The following CERT1 variants were observed in gnomAD, a reference collection of about 807,000 sequenced individuals.
The protein encoded by CERT1 is ceramide transporter 1.
In CERT1, 31 loss-of-function variants were observed where a neutral mutation model predicts 87.9. The observed-to-expected ratio is 0.35, with a 90% CI of 0.27 to 0.48. The LOEUF (loss-of-function observed/expected upper bound fraction) is 0.48, where lower values mean the gene tolerates loss of function less well. Ranked by LOEUF, CERT1 falls within the 20% of genes least tolerant of loss-of-function variation. CERT1 has a pLI of 0.99. For missense variants in CERT1, 487 were observed against 758.0 expected, an observed-to-expected ratio of 0.64 and a Z score of 4.20; for synonymous variants, 289 against 250.9, an observed-to-expected ratio of 1.15 and a Z score of -1.44.
At chr5:75,385,227 C>T (rs2112010796) in intron 13 of CERT1, among the ~76,000 whole-genome samples, 1 of 152,244 alleles carries the variant, frequency 6.6e-6, no homozygotes, top group South Asian at 2.1e-4. Flanking sequence ...AATCCCAGCA[C>T]TTTGGGAGGC....
At chr5:75,420,180 T>A (rs925935408) in intron 5 of CERT1, among the ~76,000 whole-genome samples, 3 of 151,838 alleles carry the variant, frequency 2.0e-5, no homozygotes, top group Non-Finnish European at 4.4e-5. Flanking sequence ...GGTTTCACTA[T>A]GTTGGCCAGG....
At position 75,386,186 on chromosome 5, in the gene CERT1, T is replaced by G. The variant is rs539027686; in HGVS notation, c.1285-152A>C. On this transcript the variant is annotated intron_variant, in intron 12 of 16. Coordinates refer to ENST00000643780, the MANE Select transcript of CERT1 (RefSeq NM_001379029.1). ...CTAAAAGAAAATTAAAAATTTCAAA[T>G]TAACAGACAAAAAAGTACTTAAAAT... 1.1e-5 allele frequency: 6 copies of G among 540,294 alleles called. No individual in the cohort carries two copies. In the African/African-American group the frequency reaches 1.2e-4, roughly 11 times the overall value. The allele number at this position is 540,294 out of a possible 1,614,324, so 33.5% of individuals were successfully genotyped here. A position where few individuals can be genotyped will look rare whatever the true frequency, so the allele number is the denominator to read the frequency against.
intron 8 of CERT1, among the ~76,000 whole-genome samples, chr5:75,407,775 C>T (rs1227907520): frequency 1.3e-5 from 2 of 151,068 alleles, no homozygotes. Context: ...TATACAAAGG[C>T]TGGGATGTAA....
At chr5:75,441,742 C>G (rs1764333420) in intron 3 of CERT1, among the ~76,000 whole-genome samples, 1 of 152,126 alleles carries the variant, frequency 6.6e-6, no homozygotes, top group Non-Finnish European at 1.5e-5. Context: ...GGCAGAATTT[C>G]CTTCTTTTTA....
At position 75,511,469 on chromosome 5, in the gene CERT1, T is replaced by A. The variant is rs1163622538; in HGVS notation, c.-262A>T. The A allele has an allele frequency of 2.0e-6, 3 of 1,514,010 alleles. No homozygotes were observed. Among genetic ancestry groups the A allele is most frequent in the Non-Finnish European group, 2.7e-6 (3 of 1,131,256 alleles). 93.8% of individuals were successfully genotyped at this position (1,514,010 alleles called of 1,614,324 possible). ...CCGCCGCCGCCGTCGCCGTGACCCC[T>A]GCGTTGCGCCCGGCGCTGCCACCCG... On this transcript the variant is annotated 5_prime_UTR_variant, in exon 1 of 17. Transcript: ENST00000643780.
intron 3 of CERT1, among the ~76,000 whole-genome samples, chr5:75,447,636 A>G (rs2112268531): frequency 6.6e-6 from 1 of 151,570 alleles, no homozygotes. Context: ...ACGCCCAGCT[A>G]ATCTTTTTTT....
chr5:75,378,356 G>C lies in CERT1; in HGVS notation c.*990C>G, dbSNP rs1761410203. ...AATCGCTTGAACCTGGGAGGCAGAG[G>C]TTGCAGTGAGCCAAGATTGCACCAC... On this transcript the variant is annotated 3_prime_UTR_variant, in exon 17 of 17. Transcript: ENST00000643780. 1 of 152,164 alleles carries C rather than the reference G, an allele frequency of 6.6e-6. No individual in the cohort carries two copies. The highest frequency in any genetic ancestry group is 1.5e-5 in the Non-Finnish European group (1 of 68,072). The allele number at this position is 152,164 out of a possible 1,614,324, so 9.4% of individuals were successfully genotyped here.
chr5:75,490,895 C>A (rs1161076448), intron 2 of CERT1, among the ~76,000 whole-genome samples: 1 of 151,974 alleles, frequency 6.6e-6, no homozygotes, highest in Admixed American at 6.6e-5. Context: ...GAGTACAATT[C>A]TTTTTGCATT....
chr5:75,489,769 G>A (rs1766689681), intron 2 of CERT1, among the ~76,000 whole-genome samples: 1 of 152,172 alleles, frequency 6.6e-6, no homozygotes, highest in Non-Finnish European at 1.5e-5. Context: ...AAATAGGAAC[G>A]CTTTTACTCT....
At chr5:75,436,800 T>A (rs1409370969) in intron 3 of CERT1, among the ~76,000 whole-genome samples, 1 of 152,154 alleles carries the variant, frequency 6.6e-6, no homozygotes, top group Non-Finnish European at 1.5e-5. Context: ...AGACAGGGTA[T>A]CGCTCTGTTA....
At chr5:75,384,574 TA>T (rs1561222884) in intron 14 of CERT1, 67 bp downstream of exon 14, 1 of 1,102,384 alleles carries the variant, frequency 9.1e-7, no homozygotes, top group Non-Finnish European at 1.3e-6. Context: ...AATTTTACTT[TA>T]GAGAATCTAT....
chr5:75,502,831 CAACT>C (rs1177453109), intron 2 of CERT1, among the ~76,000 whole-genome samples: 12 of 152,012 alleles, frequency 7.9e-5, no homozygotes, highest in Admixed American at 7.9e-4. Context: ...GAAACAATTA[CAACT>C]AACATATTCA....
chr5:75,497,778 C>A (rs146029095), intron 2 of CERT1, among the ~76,000 whole-genome samples: 1 of 152,146 alleles, frequency 6.6e-6, no homozygotes, highest in East Asian at 1.9e-4. Context: ...TTCATAGGAG[C>A]ATGAGAACAG....
At chr5:75,396,729 C>CAAAAAAA (rs375730002) in intron 11 of CERT1, among the ~76,000 whole-genome samples, 2 of 92,598 alleles carry the variant, frequency 2.2e-5, no homozygotes, top group Non-Finnish European at 5.0e-5. Context: ...AACTCCGTCT[C>CAAAAAAA]AAAAAAAAAA....
At chr5:75,375,732 T>C (rs1180274234), downstream of CERT1, 1 of 149,676 alleles carries the variant, frequency 6.7e-6, no homozygotes, top group Non-Finnish European at 1.5e-5. Context: ...TCTCTAAAGA[T>C]GATACACACA....
chr5:75,434,634 T>A (rs2112221469), intron 3 of CERT1, among the ~76,000 whole-genome samples: 1 of 151,696 alleles, frequency 6.6e-6, no homozygotes, highest in East Asian at 1.9e-4. Flanking sequence ...TTTTTCTGAT[T>A]GGTAGGTTTT....
chr5:75,493,311 TATC>T (rs1766887462), intron 2 of CERT1, among the ~76,000 whole-genome samples: 1 of 152,232 alleles, frequency 6.6e-6, no homozygotes, highest in South Asian at 2.1e-4. Context: ...ATTCTAAACA[TATC>T]ATTTCATCTG....
At chr5:75,487,884 T>C (rs1359518812) in intron 2 of CERT1, among the ~76,000 whole-genome samples, 6 of 152,078 alleles carry the variant, frequency 3.9e-5, no homozygotes. Context: ...TTAAAAAGGA[T>C]GCGATCCTGT....
intron 2 of CERT1, among the ~76,000 whole-genome samples, chr5:75,503,064 T>C (rs1767459461): frequency 6.6e-6 from 1 of 152,072 alleles, no homozygotes; most frequent in Admixed American, 6.5e-5. Context: ...CTTTCTTCCT[T>C]GAAATTATTT....
Sources: allele counts gnomAD v4.1 joint callset (sites outside exome capture counted in the v4.1 genomes callset), GRCh38; gene constraint gnomAD v4.1.1; transcripts MANE v1.5; gene names NCBI Gene and HGNC (gene_info 2026-07-23, HGNC 2026-07-21).